Variants in COL22A1 observed in about 807,000 individuals in gnomAD.
COL22A1 encodes collagen alpha-1(XXII) chain.
Under a neutral mutation model 248.9 loss-of-function variants are expected in COL22A1, and 221 were observed. The observed-to-expected ratio is 0.89, with a 90% CI of 0.80 to 0.99. The LOEUF (loss-of-function observed/expected upper bound fraction) is 0.99, where lower values mean the gene tolerates loss of function less well. Among genes scored for constraint, COL22A1 ranks in the 50% least tolerant of loss-of-function variants. The probability of loss-of-function intolerance (pLI) is 0.00; values close to 1 mark genes in which losing one functional copy is unlikely to be tolerated. For missense variants in COL22A1, 2,240 were observed against 2,179.0 expected (o/e 1.03, Z -0.56); for synonymous variants, 891 against 793.4 (o/e 1.12, Z -2.07).
chr8:138,783,243 TGGGGACAATCAC>T (rs750983430), intron 12 of COL22A1, among the ~76,000 whole-genome samples: 3 of 152,080 alleles, frequency 2.0e-5, no homozygotes, highest in Non-Finnish European at 4.4e-5. Context: ...TTCTATAAAA[TGGGGACAATCAC>T]GGTGTATTAG....
chr8:138,851,159 C>T (rs922987422), intron 3 of COL22A1, among the ~76,000 whole-genome samples: 6 of 152,256 alleles, frequency 3.9e-5, no homozygotes, highest in African/African-American at 7.2e-5. Context: ...GCTTTGGGAG[C>T]GGGGACACTG....
chr8:138,746,256 A>C (rs1180807997), intron 22 of COL22A1, among the ~76,000 whole-genome samples: 8 of 152,196 alleles, frequency 5.3e-5, no homozygotes, highest in Admixed American at 3.9e-4. Flanking sequence ...GCCTGCTGTC[A>C]GCCGTCAGCC....
chr8:138,657,743 G>A (rs535342813), intron 44 of COL22A1, among the ~76,000 whole-genome samples: 17 of 152,222 alleles, frequency 1.1e-4, no homozygotes, highest in Non-Finnish European at 2.5e-4. Flanking sequence ...GACAGTGTGG[G>A]GATGTAGATG....
chr8:138,820,055 CGT>C (rs765335472), intron 7 of COL22A1, among the ~76,000 whole-genome samples: 5 of 151,312 alleles, frequency 3.3e-5, no homozygotes, highest in Non-Finnish European at 7.4e-5. Flanking sequence ...GAATGAATGA[CGT>C]ATGAATGAAT....
intron 23 of COL22A1, among the ~76,000 whole-genome samples, chr8:138,729,689 G>T (rs1222271953): frequency 2.0e-5 from 3 of 152,188 alleles, no homozygotes; most frequent in Non-Finnish European, 4.4e-5. Context: ...AGTGGGAAAC[G>T]CCAGGTGTGG....
chr8:138,746,479 A>C (rs1040270378), intron 22 of COL22A1, among the ~76,000 whole-genome samples: 1 of 152,232 alleles, frequency 6.6e-6, no homozygotes, highest in Non-Finnish European at 1.5e-5. Flanking sequence ...ACAACATTAC[A>C]ATTTGTTTCT....
At chr8:138,890,267 G>A (rs1824962626) in intron 1 of COL22A1, among the ~76,000 whole-genome samples, 1 of 152,102 alleles carries the variant, frequency 6.6e-6, no homozygotes, top group Non-Finnish European at 1.5e-5. Context: ...AAAATTCACA[G>A]CTAACGTCAT....
chr8:138,755,668 C>T, intron 19 of COL22A1, 117 bp downstream of exon 19: 4 of 1,375,554 alleles, frequency 2.9e-6, no homozygotes, highest in Non-Finnish European at 4.1e-6. Context: ...TGTTGAAAGC[C>T]TTCTATCCAA....
In COL22A1 at chr8:138,615,957, A is replaced by G. The variant is rs1587681824; in HGVS notation, c.3924+44T>C. ...TGGGTGTCACTTCCTTGATACACCC[A>G]CCCCCAGCCCCAGCCCAGCCAGGTC... On this transcript the variant is annotated intron_variant, in intron 55 of 64. Coordinates refer to ENST00000303045, the MANE Select transcript of COL22A1 (RefSeq NM_152888.3). 3 of 1,492,206 alleles carry G rather than the reference A, an allele frequency of 2.0e-6. 1 individual carries two copies. The African/African-American group carries it at 4.2e-5, about 21-fold the overall frequency. 92.4% of individuals were successfully genotyped at this position (1,492,206 alleles called of 1,614,324 possible). A position where few individuals can be genotyped will look rare whatever the true frequency, so the allele number is the denominator to read the frequency against.
intron 42 of COL22A1, 74 bp downstream of exon 42, chr8:138,663,631 C>A: frequency 8.4e-7 from 1 of 1,185,098 alleles, no homozygotes; most frequent in Non-Finnish European, 1.3e-6. Context: ...TTGGTGCTTC[C>A]CATTTAAAAC....
intron 23 of COL22A1, among the ~76,000 whole-genome samples, chr8:138,735,564 C>T (rs919244717): frequency 6.6e-6 from 1 of 152,138 alleles, no homozygotes; most frequent in South Asian, 2.1e-4. Flanking sequence ...GATCGAGCTG[C>T]ATTGATGGTG....
Position 138,760,279 on chromosome 8 carries a change from G to T in COL22A1, c.1866C>A (p.Pro622=). 1 of 1,598,502 alleles carries T rather than the reference G, an allele frequency of 6.3e-7. No individual in the cohort carries two copies. The highest frequency in any genetic ancestry group is 8.5e-7 in the Non-Finnish European group (1 of 1,172,756). ...KPGDTGQQGR[P]GPSGVAGPQG... is the part of the protein sequence containing the mutation. ...GGGGTCCTGCCACACCAGAAGGGCC[G>T]GGCCTGCCCTGGAGGAAAGAAAGAA... Residue 622 remains proline, a synonymous_variant, in exon 18 of 65, where the codon CCC becomes CCA. Coordinates refer to ENST00000303045, the MANE Select transcript of COL22A1 (RefSeq NM_152888.3).
Position 138,598,381 on chromosome 8 carries a change from G to T in COL22A1, c.4365+338C>A, listed in dbSNP as rs539365255. Among the ~76,000 whole-genome samples the T allele has an allele frequency of 3.3e-5, 5 of 152,296 alleles. No homozygotes were observed. In the East Asian group the frequency reaches 9.7e-4, roughly 29 times the overall value. On this transcript the variant is annotated intron_variant, in intron 61 of 64. Transcript: ENST00000303045. ...TCTTCTCAACTGCCTTTTGCACAAG[G>T]TCCTGGGCAGAAGAGTTCTACAGCC...
At position 138,607,998 on chromosome 8, in the gene COL22A1, A is replaced by G; in HGVS notation, c.3979-9T>C. 1.2e-6 allele frequency: 2 copies of G among 1,613,964 alleles called. No homozygotes were observed. Among genetic ancestry groups the G allele is most frequent in the Non-Finnish European group, 1.7e-6 (2 of 1,179,916 alleles). On this transcript the variant is annotated splice_polypyrimidine_tract_variant and intron_variant, in intron 56 of 64. Coordinates refer to ENST00000303045, the MANE Select transcript of COL22A1 (RefSeq NM_152888.3). ...GGTGATCCATTCTTGCCCTGGTGGAAGAAACAGAGGTAATCATCCTGCCAG... is the reference window on the plus strand; with the variant it reads ...GGTGATCCATTCTTGCCCTGGTGGAGGAAACAGAGGTAATCATCCTGCCAG...
intron 8 of COL22A1, among the ~76,000 whole-genome samples, chr8:138,812,126 A>T (rs1030209518): frequency 6.6e-6 from 1 of 152,088 alleles, no homozygotes; most frequent in African/African-American, 2.4e-5. Context: ...ATCTGGGTGA[A>T]CCGCCCACAG....
intron 6 of COL22A1, 54 bp downstream of exon 6, chr8:138,826,604 G>A (rs570037391): frequency 6.3e-7 from 1 of 1,593,386 alleles, no homozygotes; most frequent in South Asian, 1.1e-5. Flanking sequence ...CATCCACTGT[G>A]AGAGGGGAAC....
At chr8:138,699,541 G>T (rs1264155102) in intron 32 of COL22A1, among the ~76,000 whole-genome samples, 1 of 152,338 alleles carries the variant, frequency 6.6e-6, no homozygotes, top group East Asian at 1.9e-4. Context: ...TTCGTGAAAA[G>T]AGAGGAAAAA....
intron 47 of COL22A1, among the ~76,000 whole-genome samples, chr8:138,638,765 C>T: frequency 6.6e-6 from 1 of 152,208 alleles, no homozygotes; most frequent in East Asian, 1.9e-4. Context: ...AAAGAAGTGA[C>T]ACAGATTAGC....
chr8:138,724,706 G>A, intron 24 of COL22A1, 38 bp from the exon 25 acceptor site: 2 of 1,594,122 alleles, frequency 1.3e-6, no homozygotes, highest in African/African-American at 2.7e-5. Context: ...AGCCTGGCCT[G>A]TTCAGAGATC....
Sources: allele counts gnomAD v4.1 joint callset (sites outside exome capture counted in the v4.1 genomes callset), GRCh38; gene constraint gnomAD v4.1.1; transcripts MANE v1.5; gene names NCBI Gene and HGNC (gene_info 2026-07-23, HGNC 2026-07-21).